The following SLC13A5 variants were observed in gnomAD, a reference collection of about 807,000 sequenced individuals.
SLC13A5 encodes solute carrier family 13 member 5.
A neutral mutation model predicts 56.5 loss-of-function variants in SLC13A5; 25 were observed. The observed-to-expected ratio is 0.44, with a 90% CI of 0.32 to 0.62. SLC13A5 has a LOEUF of 0.62. SLC13A5 is among the 20% of genes least tolerant of loss of function. The pLI, the probability that SLC13A5 is intolerant of heterozygous loss-of-function variation, is 0.04. For synonymous variants in SLC13A5, 307 were observed against 301.5 expected (o/e 1.02, Z -0.19); for missense variants, 649 against 737.8 (o/e 0.88, Z 1.39).
At chr17:6,697,976 G>A (rs1316823779) in intron 6 of SLC13A5, among the ~76,000 whole-genome samples, 1 of 152,340 alleles carries the variant, frequency 6.6e-6, no homozygotes, top group East Asian at 1.9e-4. Flanking sequence ...CGCTGAGACA[G>A]GTGCTCCCTG....
At position 6,685,661 on chromosome 17, in the gene SLC13A5, C is replaced by T. The variant is rs911913356; in HGVS notation, c.*546G>A. ...GCTTCAGGAGGCTCTGATTCCCACT[C>T]GCACTCCAGCAGTGGGAGGTTGCTC... On this transcript the variant is annotated 3_prime_UTR_variant, in exon 12 of 12. Coordinates refer to ENST00000433363, the MANE Select transcript of SLC13A5 (RefSeq NM_177550.5). The surrounding 1 kb of genome is among the most constrained non-coding windows in gnomAD (Gnocchi z 4.2). 2.6e-5 allele frequency: 4 copies of T among 156,592 alleles called. No individual in the cohort carries two copies. The highest frequency in any genetic ancestry group is 7.2e-5 in the African/African-American group (3 of 41,510). The allele number at this position is 156,592 out of a possible 1,614,324, so 9.7% of individuals were successfully genotyped here. A position where few individuals can be genotyped will look rare whatever the true frequency, so the allele number is the denominator to read the frequency against.
In SLC13A5 at chr17:6,692,231, A is replaced by AGATGGATGGATG. The variant is rs370078806; in HGVS notation, c.1275+801_1275+812dup. Among the ~76,000 whole-genome samples, 668 of 143,914 alleles carry AGATGGATGGATG rather than the reference A, an allele frequency of 4.6e-3. 3 individuals carry two copies. The highest frequency in any genetic ancestry group is 0.012 in the African/African-American group (462 of 37,806). 94.4% of individuals were successfully genotyped at this position (143,914 alleles called of 152,430 possible). Reference sequence around the variant, plus strand: ...TAGATAGATGGGTGGATGGATGGACAGATGGATGGATGGATGGATGGATGG... The same window carrying AGATGGATGGATG: ...TAGATAGATGGGTGGATGGATGGACAGATGGATGGATGGATGGATGGATGGATGGATGGATGG... On this transcript the variant is annotated intron_variant, in intron 9 of 11. Transcript: ENST00000433363. This position sits in a 1 kb window ranked among gnomAD's most constrained non-coding sequence, Gnocchi z 5.5.
At position 6,711,666 on chromosome 17, in the gene SLC13A5, T is replaced by G. The variant is rs901725001; in HGVS notation, c.102+1566A>C. Among the ~76,000 whole-genome samples the G allele has an allele frequency of 2.0e-5, 3 of 151,518 alleles. No individual in the cohort carries two copies. Among genetic ancestry groups the G allele is most frequent in the African/African-American group, 4.9e-5 (2 of 41,202 alleles). On this transcript the variant is annotated intron_variant, in intron 1 of 11. Coordinates refer to ENST00000433363, the MANE Select transcript of SLC13A5 (RefSeq NM_177550.5). This position sits in a 1 kb window ranked among gnomAD's most constrained non-coding sequence, Gnocchi z 4.0. The stretch of plus-strand genomic sequence containing the variant: ...TTTTGTGTGTGTCTGTGTGTTTGTG[T>G]GTGTGTCTGTGTGTGTTTGTGAGTG...
chr17:6,702,882 CT>C, intron 5 of SLC13A5, 87 bp downstream of exon 5: 4 of 1,529,366 alleles, frequency 2.6e-6, no homozygotes, highest in Non-Finnish European at 3.5e-6. Flanking sequence ...CTTTCCAGGA[CT>C]CTGCAGAGGA....
At chr17:6,705,987 A>G (rs1265696543) in intron 3 of SLC13A5, among the ~76,000 whole-genome samples, 1 of 152,214 alleles carries the variant, frequency 6.6e-6, no homozygotes, top group Non-Finnish European at 1.5e-5. Flanking sequence ...GAGTTGTGGT[A>G]AGAATTAAAT....
chr17:6,693,347 G>T (rs1273311838), intron 8 of SLC13A5, 185 bp from the exon 9 acceptor site: 1 of 546,724 alleles, frequency 1.8e-6, no homozygotes, highest in East Asian at 3.2e-5. Context: ...TATATACATT[G>T]CTGGTGAGGA....
intron 1 of SLC13A5, among the ~76,000 whole-genome samples, chr17:6,708,681 C>T (rs1973934981): frequency 6.6e-6 from 1 of 152,212 alleles, no homozygotes; most frequent in African/African-American, 2.4e-5. Context: ...TAATTATTTA[C>T]CCAGTTACAG....
chr17:6,698,376 T>C (rs1973616666), intron 6 of SLC13A5, among the ~76,000 whole-genome samples: 1 of 152,214 alleles, frequency 6.6e-6, no homozygotes, highest in African/African-American at 2.4e-5. Context: ...TCCAGGGGCC[T>C]GACATCTGCC....
Position 6,686,030 on chromosome 17 carries a change from G to C in SLC13A5, c.*177C>G. On this transcript the variant is annotated 3_prime_UTR_variant, in exon 12 of 12. Transcript: ENST00000433363. ...CTGAGCCTACCCTCCAGCTGCCCAT[G>C]ACCATCTCTGCATCTGGGCTTGGAG... The C allele has an allele frequency of 1.2e-6, 1 of 860,552 alleles. No homozygotes were observed. Among genetic ancestry groups the C allele is most frequent in the Non-Finnish European group, 1.8e-6 (1 of 549,972 alleles). The allele number at this position is 860,552 out of a possible 1,614,324, so 53.3% of individuals were successfully genotyped here. A position where few individuals can be genotyped will look rare whatever the true frequency, so the allele number is the denominator to read the frequency against.
At chr17:6,695,684 C>T in intron 7 of SLC13A5, 42 bp downstream of exon 7, 1 of 1,605,750 alleles carries the variant, frequency 6.2e-7, no homozygotes, top group South Asian at 1.1e-5. Flanking sequence ...AGCCAACGCG[C>T]CTGGCCCTAA....
Position 6,695,731 on chromosome 17 carries a change from C to CT in SLC13A5, c.1049dup (p.Thr351AspfsTer28). 1 of 1,614,120 alleles carries CT rather than the reference C, an allele frequency of 6.2e-7. No individual in the cohort carries two copies. The highest frequency in any genetic ancestry group is 8.5e-7 in the Non-Finnish European group (1 of 1,180,004). ...CTATTGAATCCAAGACTTACTTTGT[C>CT]TCACCCTCCACCCAGGCAACAGTCA... is the stretch of plus-strand genomic sequence containing the variant. On this transcript the variant is annotated frameshift_variant, in exon 7 of 12. Transcript: ENST00000433363. LOFTEE classifies it high-confidence loss of function.
rs76904483 is a variant in SLC13A5, at chr17:6,685,943, G to A, written c.*264C>T. 382 of 475,788 alleles carry A rather than the reference G, an allele frequency of 8.0e-4. 10 individuals carry two copies. In the East Asian group the frequency reaches 0.014, roughly 18 times the overall value. 29.5% of individuals were successfully genotyped at this position (475,788 alleles called of 1,614,324 possible). A position where few individuals can be genotyped will look rare whatever the true frequency, so the allele number is the denominator to read the frequency against. ...CCTCGGCTACCTGGCCTCCCTCACA[G>A]AGATAATGGCAAGGCTTGGGAAAGA... On this transcript the variant is annotated 3_prime_UTR_variant, in exon 12 of 12. Coordinates refer to ENST00000433363, the MANE Select transcript of SLC13A5 (RefSeq NM_177550.5). The surrounding 1 kb of genome is among the most constrained non-coding windows in gnomAD (Gnocchi z 4.2).
chr17:6,702,849 G>T, intron 5 of SLC13A5, 121 bp downstream of exon 5: 1 of 1,267,074 alleles, frequency 7.9e-7, no homozygotes, highest in Non-Finnish European at 1.1e-6. Context: ...CAGGCTCCCA[G>T]GCCAGGTCTG....
At position 6,699,062 on chromosome 17, in the gene SLC13A5, A is replaced by C. The variant is rs572072981; in HGVS notation, c.839+1942T>G. 6.5e-5 allele frequency among the ~76,000 whole-genome samples: 9 copies of C among 137,916 alleles called. No individual in the cohort carries two copies. In the East Asian group the frequency reaches 1.8e-3, roughly 27 times the overall value. The allele number at this position is 137,916 out of a possible 152,430, so 90.5% of individuals were successfully genotyped here. ...TGTCTCAAAAATAAATAAATAAATA[A>C]ATAAATAAATAAATAAATAAATAAA... is the stretch of plus-strand genomic sequence containing the variant. On this transcript the variant is annotated intron_variant, in intron 6 of 11. Coordinates refer to ENST00000433363, the MANE Select transcript of SLC13A5 (RefSeq NM_177550.5).
At chr17:6,709,427 G>T (rs555283655) in intron 1 of SLC13A5, among the ~76,000 whole-genome samples, 1 of 151,972 alleles carries the variant, frequency 6.6e-6, no homozygotes, top group Non-Finnish European at 1.5e-5. Context: ...GCGCCACCAC[G>T]CCCGGCTAAT....
intron 6 of SLC13A5, among the ~76,000 whole-genome samples, chr17:6,697,655 G>A (rs1438208188): frequency 6.6e-6 from 1 of 152,226 alleles, no homozygotes; most frequent in African/African-American, 2.4e-5. Context: ...AACAAGAGGG[G>A]AGAGATTCTT....
At chr17:6,688,471 A>T (rs1054125093) in intron 10 of SLC13A5, 2 of 152,186 alleles carry the variant, frequency 1.3e-5, no homozygotes, top group East Asian at 1.9e-4. Context: ...TAGATTTTTT[A>T]AAAATTAAGA....
rs888636651 is a variant in SLC13A5, at chr17:6,684,781, C to T, written c.*1426G>A. 2 of 152,190 alleles carry T rather than the reference C, an allele frequency of 1.3e-5. No homozygotes were observed. The highest frequency in any genetic ancestry group is 4.8e-5 in the African/African-American group (2 of 41,438). 9.4% of individuals were successfully genotyped at this position (152,190 alleles called of 1,614,324 possible). ...CTGGACAGTGTGGTCAGGAATCGTC[C>T]CACCCAAGGAACCAGACACATACTC... On this transcript the variant is annotated 3_prime_UTR_variant, in exon 12 of 12. Coordinates refer to ENST00000433363, the MANE Select transcript of SLC13A5 (RefSeq NM_177550.5).
intron 10 of SLC13A5, chr17:6,690,168 A>C (rs1407102652): frequency 6.5e-6 from 1 of 152,728 alleles, no homozygotes; most frequent in Non-Finnish European, 1.5e-5. Context: ...AGTCCATAGA[A>C]CAGAATGCCT....
Sources: allele counts gnomAD v4.1 joint callset (sites outside exome capture counted in the v4.1 genomes callset), GRCh38; gene constraint gnomAD v4.1.1; non-coding constraint Gnocchi (gnomAD v3.1); transcripts MANE v1.5; gene names NCBI Gene and HGNC (gene_info 2026-07-23, HGNC 2026-07-21).